Variants in DAB1 observed in about 807,000 individuals in gnomAD.
The protein encoded by DAB1 is DAB adaptor protein 1.
In DAB1, 15 loss-of-function variants were observed where a neutral mutation model predicts 64.6. The observed-to-expected ratio is 0.23, with a 90% CI of 0.16 to 0.36. The LOEUF (loss-of-function observed/expected upper bound fraction) is 0.36, where lower values mean the gene tolerates loss of function less well. Among genes scored for constraint, DAB1 ranks in the 10% least tolerant of loss-of-function variants. The pLI is 1.00. For synonymous variants in DAB1, 235 were observed against 251.9 expected, an observed-to-expected ratio of 0.93 and a Z score of 0.64; for missense variants, 596 against 706.7, an observed-to-expected ratio of 0.84 and a Z score of 1.78.
chr1:58,075,429 G>A (rs762679813), intron 5 of DAB1, among the ~76,000 whole-genome samples: 1 of 152,182 alleles, frequency 6.6e-6, no homozygotes. Context: ...TGCACAGTTT[G>A]CCACATTCCC....
At chr1:57,287,832 G>C (rs1399895809) in intron 2 of DAB1, among the ~76,000 whole-genome samples, 1 of 146,890 alleles carries the variant, frequency 6.8e-6, no homozygotes, top group Non-Finnish European at 1.5e-5. Context: ...GTCTCATTTG[G>C]TCACCCAGGC....
rs113031599 is a variant in DAB1 at position 57,718,477 on chromosome 1, T to C, written n.552-68812A>G. Among the ~76,000 whole-genome samples, 1,320 of 152,288 alleles carry C rather than the reference T, an allele frequency of 8.7e-3. 14 individuals carry two copies. The highest frequency in any genetic ancestry group is 0.013 in the Non-Finnish European group (855 of 68,010). On this transcript the variant is annotated intron_variant and non_coding_transcript_variant, in intron 6 of 20. Coordinates refer to the DAB1 transcript ENST00000485760. Reference sequence around the variant, plus strand: ...TTTGTTTTCTATCCTTAAACTCTGTTGGTGTCCAGAAGAATTTTTTTTGAT... The same window carrying C: ...TTTGTTTTCTATCCTTAAACTCTGTCGGTGTCCAGAAGAATTTTTTTTGAT...
chr1:57,065,213 A>G (rs1343418110), intron 8 of DAB1, among the ~76,000 whole-genome samples: 1 of 152,144 alleles, frequency 6.6e-6, no homozygotes, highest in Non-Finnish European at 1.5e-5. Context: ...ATCTTCTTGG[A>G]AGCCTCACTT....
At chr1:57,997,730 A>T (rs1306474006) in intron 5 of DAB1, among the ~76,000 whole-genome samples, 1 of 152,136 alleles carries the variant, frequency 6.6e-6, no homozygotes, top group Non-Finnish European at 1.5e-5. Flanking sequence ...ATGCAGTAGA[A>T]GAATCTGAGA....
chr1:58,480,325 G>A (rs938207971), intron 3 of DAB1, among the ~76,000 whole-genome samples: 1 of 152,052 alleles, frequency 6.6e-6, no homozygotes, highest in Admixed American at 6.6e-5. Flanking sequence ...CTTCTGTTAA[G>A]ATTTCAGTGC....
intron 3 of DAB1, among the ~76,000 whole-genome samples, chr1:58,361,982 G>A (rs757742879): frequency 1.6e-4 from 23 of 144,962 alleles, no homozygotes; most frequent in African/African-American, 4.8e-4. Flanking sequence ...CTCCTACCTC[G>A]GCCTCCCAAG....
chr1:57,360,763 T>G (rs1246420586), intron 1 of DAB1, among the ~76,000 whole-genome samples: 1 of 152,166 alleles, frequency 6.6e-6, no homozygotes, highest in Non-Finnish European at 1.5e-5. Context: ...TAAGTCATGA[T>G]AGTGGACAGA....
intron 1 of DAB1, among the ~76,000 whole-genome samples, chr1:57,409,784 G>C (rs922744258): frequency 6.6e-6 from 1 of 152,170 alleles, no homozygotes; most frequent in African/African-American, 2.4e-5. Context: ...ACTCCAGCCT[G>C]GGTGACAGAG....
At chr1:57,315,827 A>G (rs1367095904) in intron 1 of DAB1, among the ~76,000 whole-genome samples, 1 of 152,084 alleles carries the variant, frequency 6.6e-6, no homozygotes, top group Non-Finnish European at 1.5e-5. Flanking sequence ...TTTAAGAAAC[A>G]CCTTAAACCT....
At chr1:57,738,615 C>T (rs772198297) in intron 6 of DAB1, among the ~76,000 whole-genome samples, 7 of 152,060 alleles carry the variant, frequency 4.6e-5, no homozygotes, top group Non-Finnish European at 1.0e-4. Context: ...TATCTTTGCT[C>T]CTGTACTGTT....
intron 5 of DAB1, among the ~76,000 whole-genome samples, chr1:58,100,248 T>A (rs1029731309): frequency 1.3e-5 from 2 of 152,240 alleles, no homozygotes; most frequent in Non-Finnish European, 2.9e-5. Context: ...AACTTCCTGT[T>A]CCTGCCTCAC....
intron 7 of DAB1, among the ~76,000 whole-genome samples, chr1:57,553,652 C>G (rs1333899871): frequency 6.6e-6 from 1 of 151,744 alleles, no homozygotes; most frequent in Non-Finnish European, 1.5e-5. Flanking sequence ...GCCTGGACCA[C>G]AGAGCAGGAT....
rs376106490 is a variant in DAB1 at position 58,442,780 on chromosome 1, GA to G, written n.257+63279del. 1.1e-3 allele frequency among the ~76,000 whole-genome samples: 163 copies of G among 152,258 alleles called. 1 individual carries two copies. Among genetic ancestry groups the G allele is most frequent in the African/African-American group, 3.9e-3 (160 of 41,554 alleles). ...CCCTTCTGATATCACAGCACTTTGG[GA>G]GGCTGAGGCAGGAGGATCACTTTAG... On this transcript the variant is annotated intron_variant and non_coding_transcript_variant, in intron 3 of 20. Coordinates refer to the DAB1 transcript ENST00000485760.
chr1:58,373,386 T>C (rs992757142), intron 3 of DAB1, among the ~76,000 whole-genome samples: 2 of 142,776 alleles, frequency 1.4e-5, no homozygotes, highest in South Asian at 2.4e-4. Context: ...TGTGATCTCA[T>C]TGTTCAATTC....
intron 7 of DAB1, among the ~76,000 whole-genome samples, chr1:57,556,792 C>T (rs1644993968): frequency 6.6e-6 from 1 of 152,100 alleles, no homozygotes; most frequent in African/African-American, 2.4e-5. Context: ...TAGTTAACTC[C>T]CATATATTTA....
chr1:57,843,102 A>T (rs776619686), intron 1 of DAB1, among the ~76,000 whole-genome samples: 2 of 152,112 alleles, frequency 1.3e-5, no homozygotes, highest in Non-Finnish European at 2.9e-5. Flanking sequence ...AACATTTAAA[A>T]CTCAAAGTGT....
At chr1:58,493,696 A>G (rs1645742214) in intron 3 of DAB1, among the ~76,000 whole-genome samples, 1 of 151,814 alleles carries the variant, frequency 6.6e-6, no homozygotes, top group Non-Finnish European at 1.5e-5. Context: ...AATAGCTAGG[A>G]ATCCAACTTA....
At chr1:57,177,686 G>T (rs1347689179) in intron 2 of DAB1, among the ~76,000 whole-genome samples, 2 of 152,150 alleles carry the variant, frequency 1.3e-5, no homozygotes, top group Non-Finnish European at 2.9e-5. Context: ...AAGGTAAGTG[G>T]AGGATTATCA....
intron 4 of DAB1, among the ~76,000 whole-genome samples, chr1:58,249,438 C>T (rs1321416647): frequency 6.6e-6 from 1 of 151,630 alleles, no homozygotes; most frequent in East Asian, 2.0e-4. Flanking sequence ...ATTGATCAAT[C>T]ATCTCATTTT....
Sources: gnomAD v4.1 joint callset for allele counts (sites outside exome capture counted in the v4.1 genomes callset) on GRCh38, gnomAD v4.1.1 for gene constraint, MANE v1.5 for transcripts, NCBI Gene and HGNC (gene_info 2026-07-23, HGNC 2026-07-21) for gene names.